The following HCRTR1 variants were observed in gnomAD, a reference collection of about 807,000 sequenced individuals.
HCRTR1 encodes hypocretin receptor 1, also known as orexin/Hypocretin receptor type 1.
Under a neutral mutation model 40.6 loss-of-function variants are expected in HCRTR1, and 28 were observed. That is an observed-to-expected ratio of 0.69 (90% CI 0.51 to 0.95). The LOEUF is 0.95. Among genes scored for constraint, HCRTR1 ranks in the 40% least tolerant of loss-of-function variants. The pLI, the probability that HCRTR1 is intolerant of heterozygous loss-of-function variation, is 0.00. For missense variants in HCRTR1, 482 were observed against 564.7 expected, an observed-to-expected ratio of 0.85 and a Z score of 1.48; for synonymous variants, 209 against 230.0, an observed-to-expected ratio of 0.91 and a Z score of 0.83.
chr1:31,620,861 G>A lies in HCRTR1; in HGVS notation c.397G>A (p.Ala133Thr), dbSNP rs1384975368. 5.6e-6 allele frequency: 9 copies of A among 1,613,926 alleles called. No individual in the cohort carries two copies. Among genetic ancestry groups the A allele is most frequent in the Non-Finnish European group, 7.6e-6 (9 of 1,179,942 alleles). The change falls in exon 5 of 9, where the codon GCA (alanine) becomes ACA (threonine). Residue 133 changes from alanine to threonine, a missense_variant. Ala to Thr is a moderately conservative substitution (Grantham distance 58). Transcript: ENST00000403528. ...PYLQAVSVSVAVLTLSFIALD... is the reference protein window; with the variant it reads ...PYLQAVSVSVTVLTLSFIALD... ...GGGGCAGGCTGTGTCCGTGTCAGTGGCAGTGCTAACTCTCAGCTTCATCGC... is the reference window on the plus strand; with the variant it reads ...GGGGCAGGCTGTGTCCGTGTCAGTGACAGTGCTAACTCTCAGCTTCATCGC...
rs1321826029 is a variant in HCRTR1, at chr1:31,626,414, A to G, written c.1088-376A>G. On this transcript the variant is annotated intron_variant, in intron 8 of 8. Coordinates refer to ENST00000403528, the MANE Select transcript of HCRTR1 (RefSeq NM_001525.3). The surrounding 1 kb of genome is among the most constrained non-coding windows in gnomAD (Gnocchi z 4.6). ...ATGCAAAAGGGCTGCTGCTGCCGTC[A>G]TTTTCATCATCAAAGGGCAGAGAGG... Among the ~76,000 whole-genome samples the G allele has an allele frequency of 6.6e-6, 1 of 152,158 alleles. No homozygotes were observed. The highest frequency in any genetic ancestry group is 1.5e-5 in the Non-Finnish European group (1 of 68,040).
downstream of HCRTR1, among the ~76,000 whole-genome samples, chr1:31,629,101 G>A (rs750360631): frequency 1.3e-5 from 2 of 152,324 alleles, no homozygotes; most frequent in Non-Finnish European, 2.9e-5. Context: ...GACTATGAAC[G>A]GAATTTTAGC....
chr1:31,625,179 C>G lies in HCRTR1; in HGVS notation c.1087+61C>G, dbSNP rs1215517582. ...GCCAACAGTCCACATGACAAGTCTC[C>G]CCATCCCCAAGCCAGGGCCCAAATA... On this transcript the variant is annotated intron_variant, in intron 8 of 8. Coordinates refer to ENST00000403528, the MANE Select transcript of HCRTR1 (RefSeq NM_001525.3). This position sits in a 1 kb window ranked among gnomAD's most constrained non-coding sequence, Gnocchi z 4.2. 10 of 1,494,260 alleles carry G rather than the reference C, an allele frequency of 6.7e-6. No homozygotes were observed. The East Asian group carries it at 2.5e-4, about 38-fold the overall frequency. 92.6% of individuals were successfully genotyped at this position (1,494,260 alleles called of 1,614,324 possible). A position where few individuals can be genotyped will look rare whatever the true frequency, so the allele number is the denominator to read the frequency against.
downstream of HCRTR1, chr1:31,633,300 T>C: frequency 6.2e-7 from 1 of 1,612,430 alleles, no homozygotes; most frequent in Non-Finnish European, 8.5e-7. Context: ...GGATCCACAT[T>C]GGGAGGGGCG....
At chr1:31,623,088 G>A (rs1178364402) in intron 6 of HCRTR1, among the ~76,000 whole-genome samples, 1 of 152,140 alleles carries the variant, frequency 6.6e-6, no homozygotes, top group Non-Finnish European at 1.5e-5. Context: ...CAGCACTTTG[G>A]GAGGCTGAGG....
chr1:31,630,886 A>G, downstream of HCRTR1: 1 of 1,466,144 alleles, frequency 6.8e-7, no homozygotes, highest in Non-Finnish European at 9.3e-7. Context: ...AAAACCTGCC[A>G]TGAGCACCTC....
intron 2 of HCRTR1, 103 bp downstream of exon 2, chr1:31,618,919 G>T: frequency 6.2e-6 from 3 of 486,046 alleles, no homozygotes; most frequent in Non-Finnish European, 1.1e-5. Flanking sequence ...ATGCAACCCA[G>T]GTCTGTCTTC....
downstream of HCRTR1, among the ~76,000 whole-genome samples, chr1:31,633,890 G>A (rs1400842770): frequency 2.0e-5 from 3 of 152,022 alleles, no homozygotes; most frequent in Non-Finnish European, 1.5e-5. Flanking sequence ...GGGAGGTGGA[G>A]GTTGTGGTGA....
rs1371810179 is a variant in HCRTR1, at chr1:31,621,659, TCTAA to T, written c.738+70_738+73del. The stretch of plus-strand genomic sequence containing the variant: ...GGGCTGGGGGTGGGAGGGCTACTGG[TCTAA>T]CTGAGTAGGCAGTCCTCTGCCATCA... On this transcript the variant is annotated intron_variant, in intron 6 of 8. Transcript: ENST00000403528. 55 of 1,108,270 alleles carry T rather than the reference TCTAA, an allele frequency of 5.0e-5. No homozygotes were observed. In the Middle Eastern group the frequency reaches 7.6e-4, roughly 15 times the overall value. 68.7% of individuals were successfully genotyped at this position (1,108,270 alleles called of 1,614,324 possible). A position where few individuals can be genotyped will look rare whatever the true frequency, so the allele number is the denominator to read the frequency against.
Position 31,627,344 on chromosome 1 carries a change from A to G in HCRTR1, c.*364A>G, listed in dbSNP as rs1390985210. On this transcript the variant is annotated 3_prime_UTR_variant, in exon 9 of 9. Transcript: ENST00000403528. ...ACAGGCCTTCCCTGGAGTCTGCTCT[A>G]AAGGTCCCAACAGGCATTTCCATCT... The G allele has an allele frequency of 2.3e-6, 3 of 1,309,298 alleles. No individual in the cohort carries two copies. In the Admixed American group the frequency reaches 6.8e-5, roughly 30 times the overall value. 81.1% of individuals were successfully genotyped at this position (1,309,298 alleles called of 1,614,324 possible). A position where few individuals can be genotyped will look rare whatever the true frequency, so the allele number is the denominator to read the frequency against.
At position 31,626,617 on chromosome 1, in the gene HCRTR1, C is replaced by G. The variant is rs370021027; in HGVS notation, c.1088-173C>G. 7.2e-5 allele frequency among the ~76,000 whole-genome samples: 11 copies of G among 152,256 alleles called. 1 individual carries two copies. In the South Asian group the frequency reaches 1.2e-3, roughly 17 times the overall value. Reference sequence around the variant, plus strand: ...ACCCGCTCCAGGGCTTCTGTCCTCTCTCTCTGGCGGTGCCGAGGTTGCCTC... The same window carrying G: ...ACCCGCTCCAGGGCTTCTGTCCTCTGTCTCTGGCGGTGCCGAGGTTGCCTC... On this transcript the variant is annotated intron_variant, in intron 8 of 8. Coordinates refer to ENST00000403528, the MANE Select transcript of HCRTR1 (RefSeq NM_001525.3). This position sits in a 1 kb window ranked among gnomAD's most constrained non-coding sequence, Gnocchi z 4.6.
chr1:31,633,403 G>A (rs943490574), downstream of HCRTR1: 18 of 1,361,496 alleles, frequency 1.3e-5, no homozygotes, highest in Admixed American at 7.9e-5. Context: ...TCCTACACAC[G>A]AAGCTTCACA....
intron 6 of HCRTR1, among the ~76,000 whole-genome samples, chr1:31,622,431 G>A (rs1203769721): frequency 6.6e-6 from 1 of 152,036 alleles, no homozygotes; most frequent in Non-Finnish European, 1.5e-5. Context: ...TGTGACCCAG[G>A]TCCTGCCTTG....
At chr1:31,624,552 C>G (rs957483405) in intron 7 of HCRTR1, among the ~76,000 whole-genome samples, 2 of 151,762 alleles carry the variant, frequency 1.3e-5, no homozygotes, top group African/African-American at 4.9e-5. Context: ...TAGGGACAGC[C>G]AAAGAGGGTC....
chr1:31,634,282 G>A (rs1189382456), downstream of HCRTR1, among the ~76,000 whole-genome samples: 1 of 152,236 alleles, frequency 6.6e-6, no homozygotes, highest in African/African-American at 2.4e-5. Flanking sequence ...GAACTGTGTA[G>A]TTTGTATAGA....
chr1:31,633,176 G>A, downstream of HCRTR1: 1 of 1,613,862 alleles, frequency 6.2e-7, no homozygotes, highest in Non-Finnish European at 8.5e-7. Context: ...CATGAGGCAG[G>A]TCTCATCATT....
Position 31,626,788 on chromosome 1 carries a change from A to G in HCRTR1, c.1088-2A>G, listed in dbSNP as rs1278701422. 1.9e-6 allele frequency: 3 copies of G among 1,612,560 alleles called. No homozygotes were observed. Among genetic ancestry groups the G allele is most frequent in the Non-Finnish European group, 2.5e-6 (3 of 1,179,108 alleles). Reference sequence around the variant, plus strand: ...GGCTGTGTCTTTTGTCTCCCAACCAAGGCAAATTCCGGGAGCAGTTTAAGG... The same window carrying G: ...GGCTGTGTCTTTTGTCTCCCAACCAGGGCAAATTCCGGGAGCAGTTTAAGG... On this transcript the variant is annotated splice_acceptor_variant, in intron 8 of 8. Transcript: ENST00000403528. LOFTEE classifies it high-confidence loss of function. This position sits in a 1 kb window ranked among gnomAD's most constrained non-coding sequence, Gnocchi z 4.6.
downstream of HCRTR1, among the ~76,000 whole-genome samples, chr1:31,627,837 C>T (rs1244471142): frequency 2.0e-5 from 3 of 152,188 alleles, no homozygotes; most frequent in Admixed American, 2.0e-4. Context: ...GACCTCACCC[C>T]TCGACACAAC....
At position 31,626,688 on chromosome 1, in the gene HCRTR1, T is replaced by A; in HGVS notation, c.1088-102T>A. The A allele has an allele frequency of 5.5e-5, 17 of 309,558 alleles. No homozygotes were observed. The highest frequency in any genetic ancestry group is 8.1e-5 in the Non-Finnish European group (13 of 160,080). The allele number at this position is 309,558 out of a possible 1,614,324, so 19.2% of individuals were successfully genotyped here. On this transcript the variant is annotated intron_variant, in intron 8 of 8. Transcript: ENST00000403528. The surrounding 1 kb of genome is among the most constrained non-coding windows in gnomAD (Gnocchi z 4.6). The stretch of plus-strand genomic sequence containing the variant: ...TATCCCTCCCTCCCTCCCCGCCCCC[T>A]CATAGGCAGCTTGGCTGGAGCTGCG...
Sources: allele counts gnomAD v4.1 joint callset (sites outside exome capture counted in the v4.1 genomes callset), GRCh38; gene constraint gnomAD v4.1.1; non-coding constraint Gnocchi (gnomAD v3.1); transcripts MANE v1.5; gene names NCBI Gene and HGNC (gene_info 2026-07-23, HGNC 2026-07-21).